CAND2: variants seen among roughly 807,000 people sequenced by gnomAD.
CAND2 encodes the protein cullin associated and neddylation dissociated 2 (putative).
In CAND2, 62 loss-of-function variants were observed where a neutral mutation model predicts 98.9. The observed-to-expected ratio is 0.63, with a 90% CI of 0.51 to 0.77. CAND2 has a LOEUF of 0.77. CAND2 is among the 30% of genes least tolerant of loss of function. The pLI is 0.00. For synonymous variants in CAND2, 770 were observed against 731.9 expected (o/e 1.05, Z -0.84); for missense variants, 1,501 against 1,655.2 (o/e 0.91, Z 1.62).
intron 13 of CAND2, among the ~76,000 whole-genome samples, chr3:12,829,632 AGT>A (rs1423882713): frequency 1.3e-5 from 2 of 152,252 alleles, no homozygotes; most frequent in African/African-American, 4.8e-5. Context: ...CTGCTGTCTC[AGT>A]GTGTTTCTTG....
chr3:12,831,532 A>G lies in CAND2; in HGVS notation c.3443A>G (p.Asp1148Gly). 6.2e-7 allele frequency: 1 copy of G among 1,613,706 alleles called. No homozygotes were observed. The highest frequency in any genetic ancestry group is 1.7e-5 in the Admixed American group (1 of 59,966). ...CCTGCACCTGTCCTGCAGAGGGTGGACCGACTCATTGAGCCACTAAGGGCC... is the reference window on the plus strand; with the variant it reads ...CCTGCACCTGTCCTGCAGAGGGTGGGCCGACTCATTGAGCCACTAAGGGCC... ...LCPAPVLQRV[D>G]RLIEPLRATC... The change falls in exon 14 of 15, where the codon GAC (aspartate) becomes GGC (glycine). Residue 1148 changes from aspartate (D) to glycine (G), a missense_variant. By Grantham distance (94) the Asp-to-Gly change is moderately conservative. Transcript: ENST00000456430.
chr3:12,807,726 A>G (rs2061818754), intron 3 of CAND2, among the ~76,000 whole-genome samples: 1 of 152,188 alleles, frequency 6.6e-6, no homozygotes, highest in African/African-American at 2.4e-5. Flanking sequence ...TCACATGGCA[A>G]TCCTGGAGGA....
chr3:12,802,666 A>G (rs2061774908), intron 1 of CAND2, among the ~76,000 whole-genome samples: 1 of 152,206 alleles, frequency 6.6e-6, no homozygotes, highest in Non-Finnish European at 1.5e-5. Context: ...GTCTCCTTGT[A>G]GCCCAACCAT....
rs746417399 is a variant in CAND2 at position 12,815,096 on chromosome 3, G to A, written c.1007-45G>A. The A allele has an allele frequency of 1.3e-6, 2 of 1,569,984 alleles. No individual in the cohort carries two copies. The highest frequency in any genetic ancestry group is 4.5e-5 in the East Asian group (2 of 44,344). On this transcript the variant is annotated intron_variant, in intron 7 of 14. Transcript: ENST00000456430. This position sits in a 1 kb window ranked among gnomAD's most constrained non-coding sequence, Gnocchi z 5.7. ...CCCTTCTCCCCCGAGCCACAGACCTGTCCTGGGAGATGAGGGTTCCACGTG... is the reference window on the plus strand; with the variant it reads ...CCCTTCTCCCCCGAGCCACAGACCTATCCTGGGAGATGAGGGTTCCACGTG...
rs200780693 is a variant in CAND2 at position 12,831,541 on chromosome 3, T to C, written c.3452T>C (p.Ile1151Thr). The change falls in exon 14 of 15, where the codon ATT becomes ACT. Residue 1151 changes from isoleucine to threonine, a missense_variant. Ile to Thr is a moderately conservative substitution (Grantham distance 89, BLOSUM62 -1). Around this residue, in one of 3 missense-constraint regions of CAND2, gnomAD observed 1,427 missense variants for 1,545.3 expected, o/e 0.92. Coordinates refer to ENST00000456430, the MANE Select transcript of CAND2 (RefSeq NM_001162499.2). ...APVLQRVDRLIEPLRATCTAK... is the reference protein window; with the variant it reads ...APVLQRVDRLTEPLRATCTAK... The stretch of plus-strand genomic sequence containing the variant: ...GTCCTGCAGAGGGTGGACCGACTCA[T>C]TGAGCCACTAAGGGCCACCTGCACT... The C allele has an allele frequency of 9.3e-6, 15 of 1,613,636 alleles. No homozygotes were observed. The highest frequency in any genetic ancestry group is 1.7e-4 in the Middle Eastern group (1 of 6,060).
rs754877644 is a variant in CAND2, at chr3:12,816,811, C to T, written c.1879C>T (p.Arg627Trp). ...LLDRLRNEITRLPAIKALTLV... is the reference protein window; with the variant it reads ...LLDRLRNEITWLPAIKALTLV... ...GGACCGCCTGCGGAATGAGATCACC[C>T]GGCTGCCCGCCATCAAGGCGCTTAC... The change falls in exon 10 of 15, where the codon CGG (arginine) becomes TGG (tryptophan). Residue 627 changes from arginine to tryptophan, a missense_variant. Coordinates refer to ENST00000456430, the MANE Select transcript of CAND2 (RefSeq NM_001162499.2). 1.4e-5 allele frequency: 23 copies of T among 1,613,638 alleles called. No individual in the cohort carries two copies. The highest frequency in any genetic ancestry group is 4.0e-5 in the African/African-American group (3 of 75,054).
intron 2 of CAND2, among the ~76,000 whole-genome samples, chr3:12,804,542 G>T (rs1439048833): frequency 6.6e-6 from 1 of 152,154 alleles, no homozygotes; most frequent in Non-Finnish European, 1.5e-5. Context: ...AGATCACTGT[G>T]AGGCTGTGAT....
In CAND2 at chr3:12,817,471, C is replaced by A; in HGVS notation, c.2539C>A (p.Leu847Met). The A allele has an allele frequency of 3.1e-6, 5 of 1,613,600 alleles. No homozygotes were observed. Among genetic ancestry groups the A allele is most frequent in the Non-Finnish European group, 4.2e-6 (5 of 1,179,888 alleles). Reference protein sequence around the residue: ...TGVKVLAFLSLAEVGQVAGPG... With the variant: ...TGVKVLAFLSMAEVGQVAGPG... ...GGTCAAGGTCCTGGCATTCTTGTCG[C>A]TGGCTGAGGTGGGTCAGGTGGCTGG... Residue 847 changes from leucine to methionine, a missense_variant, in exon 10 of 15, where the codon CTG (leucine) becomes ATG (methionine). Around this residue, in one of 3 missense-constraint regions of CAND2, gnomAD observed 1,427 missense variants for 1,545.3 expected, o/e 0.92. Transcript: ENST00000456430.
intron 14 of CAND2, among the ~76,000 whole-genome samples, chr3:12,831,885 A>C (rs1322691848): frequency 2.6e-5 from 4 of 152,154 alleles, no homozygotes; most frequent in Non-Finnish European, 5.9e-5. Flanking sequence ...GGAGATACTA[A>C]AGATGTAACA....
chr3:12,800,436 G>C (rs1274704332), intron 1 of CAND2, among the ~76,000 whole-genome samples: 1 of 152,208 alleles, frequency 6.6e-6, no homozygotes, highest in Non-Finnish European at 1.5e-5. Context: ...AGCAGGGCCA[G>C]CGTGGGGTGG....
At position 12,816,906 on chromosome 3, in the gene CAND2, C is replaced by G. The variant is rs775926589; in HGVS notation, c.1974C>G (p.Ala658=). The G allele has an allele frequency of 1.9e-6, 3 of 1,613,780 alleles. No homozygotes were observed. The highest frequency in any genetic ancestry group is 4.5e-5 in the East Asian group (2 of 44,890). ...TGGCCGAGGCACTGCACATTCTGGC[C>G]TCATTCCTGCGGAAGAACCAGCGGG... The part of the protein sequence containing the change: ...PILAEALHIL[A]SFLRKNQRAL... The change falls in exon 10 of 15, where the codon GCC becomes GCG. Residue 658 remains alanine, a synonymous_variant. Coordinates refer to ENST00000456430, the MANE Select transcript of CAND2 (RefSeq NM_001162499.2).
At chr3:12,807,522 A>G in intron 3 of CAND2, 62 bp downstream of exon 3, 1 of 1,424,550 alleles carries the variant, frequency 7.0e-7, no homozygotes, top group Non-Finnish European at 9.3e-7. Context: ...TAAAAAAACA[A>G]ACGAAAAAAC....
At chr3:12,806,964 C>A (rs1250793708) in intron 2 of CAND2, among the ~76,000 whole-genome samples, 1 of 152,208 alleles carries the variant, frequency 6.6e-6, no homozygotes, top group African/African-American at 2.4e-5. Context: ...AGATATAGCC[C>A]TCCTGACTCT....
chr3:12,821,516 C>T (rs1254608860), intron 11 of CAND2, among the ~76,000 whole-genome samples: 2 of 152,204 alleles, frequency 1.3e-5, no homozygotes, highest in Admixed American at 6.5e-5. Context: ...CGTGCAGAAG[C>T]TCTAGCAAGG....
Position 12,817,434 on chromosome 3 carries a change from C to T in CAND2, c.2502C>T (p.His834=). 1 of 1,613,772 alleles carries T rather than the reference C, an allele frequency of 6.2e-7. No individual in the cohort carries two copies. Among genetic ancestry groups the T allele is most frequent in the South Asian group, 1.1e-5 (1 of 91,086 alleles). ...TGGTCTGCGATGCCAGGTCGCCCCA[C>T]TCCAGCACGGGGGTCAAGGTCCTGG... is the stretch of plus-strand genomic sequence containing the variant. ...SRLVCDARSP[H]SSTGVKVLAF... is the part of the protein sequence containing the mutation. The change falls in exon 10 of 15, where the codon CAC becomes CAT. Residue 834 remains histidine (H), a synonymous_variant. Transcript: ENST00000456430.
At chr3:12,821,043 G>A (rs2061953357) in intron 11 of CAND2, among the ~76,000 whole-genome samples, 1 of 152,100 alleles carries the variant, frequency 6.6e-6, no homozygotes, top group African/African-American at 2.4e-5. Context: ...AGACCAGCCT[G>A]GCCAACACGG....
rs1242600132 is a variant in CAND2, at chr3:12,810,229, G to C, written c.662G>C (p.Arg221Pro). ...FVELADHLLDRLPGPRVPTSP... is the reference protein window; with the variant it reads ...FVELADHLLDPLPGPRVPTSP... ...GAGCTCGCTGACCACCTACTGGACC[G>C]GCTGCCCGGCCCGCGGGTGCCCACC... is the stretch of plus-strand genomic sequence containing the variant. The change falls in exon 5 of 15, where the codon CGG becomes CCG. Residue 221 changes from arginine (R) to proline (P), a missense_variant. This residue lies in a region of CAND2 where 1,427 missense variants were observed against 1,545.3 expected (regional missense o/e 0.92). Transcript: ENST00000456430. The C allele has an allele frequency of 8.5e-6, 13 of 1,537,350 alleles. No homozygotes were observed. The highest frequency in any genetic ancestry group is 9.6e-6 in the Non-Finnish European group (11 of 1,144,570).
At chr3:12,827,226 C>G (rs2062010640) in intron 12 of CAND2, among the ~76,000 whole-genome samples, 1 of 152,150 alleles carries the variant, frequency 6.6e-6, no homozygotes, top group Non-Finnish European at 1.5e-5. Flanking sequence ...AGTGCCTGCT[C>G]AGTAGATTAT....
intron 10 of CAND2, among the ~76,000 whole-genome samples, chr3:12,818,238 A>G (rs2061925390): frequency 6.7e-6 from 1 of 150,342 alleles, no homozygotes; most frequent in African/African-American, 2.5e-5. Flanking sequence ...CAGCCTGGGC[A>G]ACATGGTGAG....
Sources: allele counts gnomAD v4.1 joint callset (sites outside exome capture counted in the v4.1 genomes callset), GRCh38; gene constraint gnomAD v4.1.1; regional missense constraint gnomAD v4.1.1; non-coding constraint Gnocchi (gnomAD v3.1); transcripts MANE v1.5; gene names NCBI Gene and HGNC (gene_info 2026-07-23, HGNC 2026-07-21).